Variants in EFCAB11 observed in about 807,000 individuals in gnomAD.
The protein encoded by EFCAB11 is EF-hand calcium binding domain 11.
Under a neutral mutation model 23.0 loss-of-function variants are expected in EFCAB11, and 14 were observed. That is an observed-to-expected ratio of 0.61 (90% confidence interval 0.40 to 0.95). The LOEUF (loss-of-function observed/expected upper bound fraction) is 0.95, where lower values mean the gene tolerates loss of function less well. Among genes scored for constraint, EFCAB11 ranks in the 40% least tolerant of loss-of-function variants. The probability of loss-of-function intolerance (pLI) is 0.00; values close to 1 mark genes in which losing one functional copy is unlikely to be tolerated. For missense variants in EFCAB11, 198 were observed against 195.8 expected, an observed-to-expected ratio of 1.01 and a Z score of -0.07; for synonymous variants, 65 against 66.6, an observed-to-expected ratio of 0.98 and a Z score of 0.11.
At position 89,906,040 on chromosome 14, in the gene EFCAB11, C is replaced by T. The variant is rs142948487; in HGVS notation, c.410+25501G>A. On this transcript the variant is annotated intron_variant, in intron 5 of 5. Coordinates refer to ENST00000316738, the MANE Select transcript of EFCAB11 (RefSeq NM_145231.4). ...ATTTTCAGCTATTTAAAGTGTGGGA[C>T]TTTGGGAACATTAACCTCTCCAAGC... Among the ~76,000 whole-genome samples the T allele has an allele frequency of 5.3e-3, 807 of 152,132 alleles. 5 individuals carry two copies. Among genetic ancestry groups the T allele is most frequent in the Non-Finnish European group, 6.9e-3 (467 of 68,000 alleles).
intron 2 of EFCAB11, among the ~76,000 whole-genome samples, chr14:89,953,531 C>T (rs528560329): frequency 6.6e-6 from 1 of 152,120 alleles, no homozygotes; most frequent in African/African-American, 2.4e-5. Flanking sequence ...AATTTTTTGA[C>T]CGTGGATGTA....
chr14:89,931,719 TTAATA>T, intron 4 of EFCAB11, 88 bp from the exon 5 acceptor site: 1 of 1,041,934 alleles, frequency 9.6e-7, no homozygotes, highest in Non-Finnish European at 1.4e-6. Flanking sequence ...AAAACTTATT[TTAATA>T]TATTACTAGG....
chr14:89,827,312 C>T (rs1373065949), intron 5 of EFCAB11, among the ~76,000 whole-genome samples: 1 of 152,050 alleles, frequency 6.6e-6, no homozygotes, highest in African/African-American at 2.4e-5. Flanking sequence ...AGGGAGGACA[C>T]CATAGGAAAA....
intron 5 of EFCAB11, among the ~76,000 whole-genome samples, chr14:89,908,660 A>G (rs1889569310): frequency 1.3e-5 from 2 of 152,036 alleles, no homozygotes; most frequent in South Asian, 4.2e-4. Context: ...TTCTGGTCCC[A>G]AGCACTTTGG....
chr14:89,883,904 C>T (rs545044721), intron 5 of EFCAB11, among the ~76,000 whole-genome samples: 19 of 152,262 alleles, frequency 1.2e-4, no homozygotes. Context: ...AGGTGGGAGA[C>T]TGCTTGAGGC....
chr14:89,812,142 G>A (rs1024192579), intron 5 of EFCAB11, among the ~76,000 whole-genome samples: 4 of 152,076 alleles, frequency 2.6e-5, no homozygotes, highest in African/African-American at 7.2e-5. Flanking sequence ...TTGGCAATCC[G>A]TGGGGAAAAA....
At chr14:89,859,994 G>A (rs1323324858) in intron 5 of EFCAB11, among the ~76,000 whole-genome samples, 2 of 152,150 alleles carry the variant, frequency 1.3e-5, no homozygotes, top group Non-Finnish European at 2.9e-5. Flanking sequence ...AAGCCCCAAA[G>A]GAGGGAACAG....
At chr14:89,867,229 T>C (rs1400899261) in intron 5 of EFCAB11, among the ~76,000 whole-genome samples, 1 of 152,172 alleles carries the variant, frequency 6.6e-6, no homozygotes, top group Non-Finnish European at 1.5e-5. Context: ...GTGCTATACC[T>C]TTGTCTTGTT....
chr14:89,796,746 C>T lies in EFCAB11; in HGVS notation c.*497G>A, dbSNP rs1230610919. ...AACTGGCACCATTGGCAGGAAAAGT[C>T]TGCCCCTCTGCAGATATTAGGAGAT... On this transcript the variant is annotated 3_prime_UTR_variant, in exon 6 of 6. Coordinates refer to ENST00000316738, the MANE Select transcript of EFCAB11 (RefSeq NM_145231.4). 1 of 152,636 alleles carries T rather than the reference C, an allele frequency of 6.6e-6. No individual in the cohort carries two copies. The highest frequency in any genetic ancestry group is 1.9e-4 in the East Asian group (1 of 5,200). The allele number at this position is 152,636 out of a possible 1,614,324, so 9.5% of individuals were successfully genotyped here.
intron 2 of EFCAB11, among the ~76,000 whole-genome samples, chr14:89,953,393 G>T (rs1468957808): frequency 6.6e-6 from 1 of 152,200 alleles, no homozygotes; most frequent in Non-Finnish European, 1.5e-5. Context: ...CTATGCATAT[G>T]TATGTCATGG....
At chr14:89,895,686 C>T (rs932724374) in intron 5 of EFCAB11, among the ~76,000 whole-genome samples, 2 of 152,286 alleles carry the variant, frequency 1.3e-5, no homozygotes, top group South Asian at 4.1e-4. Flanking sequence ...AAGAGCAAAA[C>T]TGTAAATTTT....
At chr14:89,811,655 T>C (rs1886154092) in intron 5 of EFCAB11, among the ~76,000 whole-genome samples, 1 of 152,090 alleles carries the variant, frequency 6.6e-6, no homozygotes, top group Non-Finnish European at 1.5e-5. Context: ...GAAAAAGCCA[T>C]GAACCAAGGA....
At position 89,889,319 on chromosome 14, in the gene EFCAB11, C is replaced by T. The variant is rs538547859; in HGVS notation, c.410+42222G>A. Among the ~76,000 whole-genome samples, 34 of 152,182 alleles carry T rather than the reference C, an allele frequency of 2.2e-4. 1 individual carries two copies. The highest frequency in any genetic ancestry group is 1.9e-3 in the South Asian group (9 of 4,824). On this transcript the variant is annotated intron_variant, in intron 5 of 5. Coordinates refer to ENST00000316738, the MANE Select transcript of EFCAB11 (RefSeq NM_145231.4). ...TTGGATAAAATCATGGATTCGAAGC[C>T]TTACTATGAATCCTGTTTTACTACT...
At chr14:89,929,530 C>T (rs939482218) in intron 5 of EFCAB11, among the ~76,000 whole-genome samples, 4 of 152,092 alleles carry the variant, frequency 2.6e-5, no homozygotes, top group East Asian at 1.9e-4. Flanking sequence ...GGGACTACAG[C>T]GCATGCCACC....
chr14:89,916,174 A>C (rs1200856443), intron 5 of EFCAB11, among the ~76,000 whole-genome samples: 5 of 151,916 alleles, frequency 3.3e-5, no homozygotes, highest in African/African-American at 1.2e-4. Flanking sequence ...AAAAAGAAAA[A>C]AAGAAAAAAA....
chr14:89,888,951 A>C (rs988853060), intron 5 of EFCAB11, among the ~76,000 whole-genome samples: 1 of 152,236 alleles, frequency 6.6e-6, no homozygotes, highest in Non-Finnish European at 1.5e-5. Context: ...AAATTTCAGA[A>C]AATACCAAAA....
intron 5 of EFCAB11, among the ~76,000 whole-genome samples, chr14:89,844,956 A>G (rs1887385794): frequency 6.8e-6 from 1 of 147,314 alleles, no homozygotes; most frequent in East Asian, 2.0e-4. Context: ...TGGAGGAGGC[A>G]GTGAGGGGAG....
At chr14:89,854,316 T>C (rs7156552) in intron 5 of EFCAB11, among the ~76,000 whole-genome samples, 4,797 of 152,158 alleles carry the variant, frequency 0.032, 111 homozygotes, top group South Asian at 0.1. Flanking sequence ...ATAGGAGAGC[T>C]GGGCAGAGAG....
intron 5 of EFCAB11, among the ~76,000 whole-genome samples, chr14:89,821,182 T>C (rs954310560): frequency 3.3e-5 from 5 of 152,130 alleles, no homozygotes; most frequent in Non-Finnish European, 5.9e-5. Context: ...TTTCAATCAG[T>C]AGACTTTGAG....
Sources: gnomAD v4.1 joint callset for allele counts (sites outside exome capture counted in the v4.1 genomes callset) on GRCh38, gnomAD v4.1.1 for gene constraint, MANE v1.5 for transcripts, NCBI Gene and HGNC (gene_info 2026-07-23, HGNC 2026-07-21) for gene names.